The following TSHZ1 variants were observed in gnomAD, a reference collection of about 807,000 sequenced individuals.
TSHZ1 encodes teashirt zinc finger homeobox 1.
TSHZ1 carries 12 observed loss-of-function variants against 67.1 expected under a neutral mutation model. The observed-to-expected ratio is 0.18, with a 90% CI of 0.11 to 0.29. The LOEUF (loss-of-function observed/expected upper bound fraction) is 0.29, where lower values mean the gene tolerates loss of function less well. Among genes scored for constraint, TSHZ1 ranks in the 10% least tolerant of loss-of-function variants. TSHZ1 has a pLI of 1.00. For synonymous variants in TSHZ1, 632 were observed against 622.4 expected (o/e 1.02, Z -0.23); for missense variants, 1,305 against 1,413.9 (o/e 0.92, Z 1.23).
chr18:75,225,436 G>A (rs1479550370), intron 1 of TSHZ1, among the ~76,000 whole-genome samples: 8 of 152,212 alleles, frequency 5.3e-5, no homozygotes, highest in African/African-American at 1.9e-4. Context: ...TCAGCGTGAT[G>A]GCCTGTCCAC....
chr18:75,280,951 G>C (rs2023677062), intron 1 of TSHZ1: 1 of 431,414 alleles, frequency 2.3e-6, no homozygotes, highest in Admixed American at 6.4e-5. Flanking sequence ...GAGTCGGGGA[G>C]GGCTGGCATC....
intron 1 of TSHZ1, among the ~76,000 whole-genome samples, chr18:75,231,660 G>A (rs888254960): frequency 4.0e-5 from 6 of 151,304 alleles, no homozygotes; most frequent in Non-Finnish European, 8.8e-5. Context: ...TCAGCCACCT[G>A]AGTAGCTGGG....
intron 1 of TSHZ1, among the ~76,000 whole-genome samples, chr18:75,231,762 T>A (rs181162866): frequency 9.9e-5 from 15 of 152,232 alleles, no homozygotes; most frequent in African/African-American, 3.6e-4. Context: ...CTCTAACTCC[T>A]GACTTGGGTG....
intron 1 of TSHZ1, among the ~76,000 whole-genome samples, chr18:75,279,343 T>C (rs920065302): frequency 2.0e-5 from 3 of 152,138 alleles, no homozygotes; most frequent in Non-Finnish European, 2.9e-5. Flanking sequence ...AAATAGAAGA[T>C]GATCAGGATT....
At chr18:75,244,098 G>C (rs1047938814) in intron 1 of TSHZ1, among the ~76,000 whole-genome samples, 1 of 152,178 alleles carries the variant, frequency 6.6e-6, no homozygotes, top group Non-Finnish European at 1.5e-5. Flanking sequence ...GGAGCAGGAA[G>C]GAGCAAGTGG....
intron 1 of TSHZ1, among the ~76,000 whole-genome samples, chr18:75,226,738 T>G (rs1208661628): frequency 2.0e-5 from 3 of 152,000 alleles, no homozygotes; most frequent in Non-Finnish European, 4.4e-5. Context: ...CAGAATGACA[T>G]GTGTCATTTA....
At chr18:75,280,239 A>G (rs1028992128) in intron 1 of TSHZ1, among the ~76,000 whole-genome samples, 2 of 152,256 alleles carry the variant, frequency 1.3e-5, no homozygotes, top group African/African-American at 4.8e-5. Context: ...GTAAAAGGAC[A>G]TCTTGTATAA....
chr18:75,231,695 C>T (rs891380393), intron 1 of TSHZ1, among the ~76,000 whole-genome samples: 5 of 151,832 alleles, frequency 3.3e-5, no homozygotes, highest in East Asian at 1.9e-4. Flanking sequence ...CCACCACACC[C>T]GGCTAATTTT....
At position 75,211,126 on chromosome 18, in the gene TSHZ1, C is replaced by A; in HGVS notation, c.-751C>A. 1 of 152,110 alleles carries A rather than the reference C, an allele frequency of 6.6e-6. No individual in the cohort carries two copies. Among genetic ancestry groups the A allele is most frequent in the Non-Finnish European group, 1.5e-5 (1 of 68,038 alleles). 9.4% of individuals were successfully genotyped at this position (152,110 alleles called of 1,614,324 possible). On this transcript the variant is annotated 5_prime_UTR_variant, in exon 1 of 2. Coordinates refer to ENST00000580243, the MANE Select transcript of TSHZ1 (RefSeq NM_001308210.2). ...GCATTGGAAGAAGCGGCGATCCTGG[C>A]GGCCAAGCCCCCCGGGTGGAAGCGC...
intron 1 of TSHZ1, among the ~76,000 whole-genome samples, chr18:75,231,939 C>T (rs573375271): frequency 4.0e-5 from 6 of 151,662 alleles, no homozygotes; most frequent in African/African-American, 9.7e-5. Flanking sequence ...GACAGAATCT[C>T]GCTTTGTCAC....
intron 1 of TSHZ1, chr18:75,280,909 G>A (rs1171257731): frequency 3.9e-6 from 3 of 778,208 alleles, no homozygotes; most frequent in South Asian, 5.8e-5. Flanking sequence ...CTGGAGGGAT[G>A]AGGGAGGGCC....
intron 1 of TSHZ1, among the ~76,000 whole-genome samples, chr18:75,253,789 T>G (rs1356322061): frequency 6.6e-6 from 1 of 152,272 alleles, no homozygotes; most frequent in Non-Finnish European, 1.5e-5. Context: ...GTGTTAATAA[T>G]GAAATCTTCC....
At chr18:75,261,089 G>A (rs747509664) in intron 1 of TSHZ1, among the ~76,000 whole-genome samples, 10 of 152,108 alleles carry the variant, frequency 6.6e-5, no homozygotes, top group Non-Finnish European at 1.2e-4. Context: ...CTCCCACGGA[G>A]ACAGAGAAGT....
chr18:75,245,207 G>A (rs1215002455), intron 1 of TSHZ1: 3 of 152,136 alleles, frequency 2.0e-5, no homozygotes, highest in East Asian at 1.9e-4. Flanking sequence ...AAGAGAAACC[G>A]GATTGACTTT....
chr18:75,286,569 C>A lies in TSHZ1; in HGVS notation c.1162C>A (p.Pro388Thr). The change falls in exon 2 of 2, where the codon CCG (proline) becomes ACG (threonine). Residue 388 changes from proline to threonine, a missense_variant. Around this residue, in one of 3 missense-constraint regions of TSHZ1, gnomAD observed 909 missense variants for 961.8 expected, o/e 0.95. Coordinates refer to ENST00000580243, the MANE Select transcript of TSHZ1 (RefSeq NM_001308210.2). The surrounding 1 kb of genome is among the most constrained non-coding windows in gnomAD (Gnocchi z 5.1). The part of the protein sequence containing the change: ...ESAKDQKAAN[P>T]YVTPNNRYGY... ...AGCCAAGGATCAGAAAGCAGCGAACCCGTACGTCACGCCCAATAACCGCTA... is the reference window on the plus strand; with the variant it reads ...AGCCAAGGATCAGAAAGCAGCGAACACGTACGTCACGCCCAATAACCGCTA... The A allele has an allele frequency of 6.2e-7, 1 of 1,614,210 alleles. No individual in the cohort carries two copies. The highest frequency in any genetic ancestry group is 1.1e-5 in the South Asian group (1 of 91,082).
Position 75,285,555 on chromosome 18 carries a change from G to A in TSHZ1, c.148G>A (p.Glu50Lys). The A allele has an allele frequency of 1.3e-6, 2 of 1,587,334 alleles. No individual in the cohort carries two copies. The highest frequency in any genetic ancestry group is 1.3e-5 in the African/African-American group (1 of 74,424). The part of the protein sequence containing the change: ...IQESEYMCNE[E>K]TEIKEAQSYQ... ...GGAAAGTGAGTACATGTGCAATGAAGAGACGGAGATCAAAGAGGCGCAGAG... is the reference window on the plus strand; with the variant it reads ...GGAAAGTGAGTACATGTGCAATGAAAAGACGGAGATCAAAGAGGCGCAGAG... The change falls in exon 2 of 2, where the codon GAG becomes AAG. Residue 50 changes from glutamate to lysine, a missense_variant. Coordinates refer to ENST00000580243, the MANE Select transcript of TSHZ1 (RefSeq NM_001308210.2).
At chr18:75,258,775 C>G (rs1335112119) in intron 1 of TSHZ1, among the ~76,000 whole-genome samples, 1 of 152,158 alleles carries the variant, frequency 6.6e-6, no homozygotes, top group African/African-American at 2.4e-5. Flanking sequence ...CCATCCAGGA[C>G]TGCCCTCCTC....
chr18:75,273,636 G>A (rs994639238), intron 1 of TSHZ1, among the ~76,000 whole-genome samples: 4 of 152,146 alleles, frequency 2.6e-5, no homozygotes, highest in Admixed American at 2.6e-4. Context: ...GTTGTAAACC[G>A]TCAGCTCACA....
At chr18:75,272,935 C>T (rs1309319062) in intron 1 of TSHZ1, among the ~76,000 whole-genome samples, 1 of 152,140 alleles carries the variant, frequency 6.6e-6, no homozygotes, top group African/African-American at 2.4e-5. Context: ...TTCCAAACAT[C>T]CAAATTTGGG....
Sources: allele counts gnomAD v4.1 joint callset (sites outside exome capture counted in the v4.1 genomes callset), GRCh38; gene constraint gnomAD v4.1.1; regional missense constraint gnomAD v4.1.1; non-coding constraint Gnocchi (gnomAD v3.1); transcripts MANE v1.5; gene names NCBI Gene and HGNC (gene_info 2026-07-23, HGNC 2026-07-21).